Variants in SRFBP1 observed in about 807,000 individuals in gnomAD.
SRFBP1 encodes the protein serum response factor binding protein 1.
SRFBP1 carries 47 observed loss-of-function variants against 45.5 expected under a neutral mutation model. That is an observed-to-expected ratio of 1.03 (90% CI 0.82 to 1.32). The LOEUF is 1.32. Ranked by LOEUF, SRFBP1 falls within the 40% of genes most tolerant of loss-of-function variation. SRFBP1 has a pLI of 0.00. For synonymous variants in SRFBP1, 203 were observed against 166.3 expected, an observed-to-expected ratio of 1.22 and a Z score of -1.70; for missense variants, 621 against 484.6, an observed-to-expected ratio of 1.28 and a Z score of -2.64.
intron 3 of SRFBP1, among the ~76,000 whole-genome samples, chr5:121,981,173 T>A (rs1445360518): frequency 6.6e-6 from 1 of 152,034 alleles, no homozygotes; most frequent in Non-Finnish European, 1.5e-5. Flanking sequence ...ATTAATCATG[T>A]TATCTTATTC....
chr5:122,014,682 G>A (rs944058826), intron 4 of SRFBP1, among the ~76,000 whole-genome samples: 6 of 152,074 alleles, frequency 3.9e-5, no homozygotes, highest in African/African-American at 9.7e-5. Flanking sequence ...CTAAATCAGC[G>A]TTAGTCTGGG....
chr5:122,062,033 C>T (rs902932360), intron 2 of SRFBP1, among the ~76,000 whole-genome samples: 20 of 151,792 alleles, frequency 1.3e-4, no homozygotes, highest in African/African-American at 4.6e-4. Flanking sequence ...AAAAAAGACT[C>T]GTGACAAAAC....
chr5:121,981,383 A>T (rs1159020282), intron 3 of SRFBP1, among the ~76,000 whole-genome samples: 3 of 152,008 alleles, frequency 2.0e-5, no homozygotes, highest in Non-Finnish European at 4.4e-5. Flanking sequence ...AAATCATAAT[A>T]GACTTCCTGC....
chr5:122,049,305 CAA>C (rs1753924829), intron 2 of SRFBP1, among the ~76,000 whole-genome samples: 1 of 152,056 alleles, frequency 6.6e-6, no homozygotes, highest in African/African-American at 2.4e-5. Context: ...GTAAAGGGAT[CAA>C]TTCAACAAGA....
intron 3 of SRFBP1, among the ~76,000 whole-genome samples, chr5:121,987,487 G>A (rs983207328): frequency 1.1e-4 from 16 of 152,184 alleles, no homozygotes; most frequent in Non-Finnish European, 1.9e-4. Flanking sequence ...GTCACTGAAA[G>A]GTAATCATAA....
intron 3 of SRFBP1, among the ~76,000 whole-genome samples, chr5:121,981,274 A>G (rs1262760002): frequency 6.6e-6 from 1 of 152,076 alleles, no homozygotes; most frequent in African/African-American, 2.4e-5. Flanking sequence ...GTGAAGGAGA[A>G]AAAGAACCAA....
Position 121,974,255 on chromosome 5 carries a change from C to T in SRFBP1, c.96C>T (p.Val32=), listed in dbSNP as rs373080501. 52 of 1,611,230 alleles carry T rather than the reference C, an allele frequency of 3.2e-5. No homozygotes were observed. Among genetic ancestry groups the T allele is most frequent in the Non-Finnish European group, 3.8e-5 (45 of 1,178,118 alleles). The change falls in exon 2 of 8, where the codon GTC becomes GTT. Residue 32 remains valine (V), a synonymous_variant. Coordinates refer to ENST00000339397, the MANE Select transcript of SRFBP1 (RefSeq NM_152546.3). ...RIRVLVIRKL[V]RSVGRLKSKK... is the part of the protein sequence containing the mutation. ...GAGTTTTAGTTATCCGAAAACTTGT[C>T]AGGAGTGTTGGCCGACTGAAGTCAA...
intron 2 of SRFBP1, chr5:122,064,981 A>G (rs957198259): frequency 6.6e-6 from 1 of 152,112 alleles, no homozygotes; most frequent in Non-Finnish European, 1.5e-5. Context: ...GTATATTAAA[A>G]TATCTCTGTT....
intron 2 of SRFBP1, among the ~76,000 whole-genome samples, chr5:122,053,281 T>G (rs1422294395): frequency 6.6e-6 from 1 of 152,088 alleles, no homozygotes; most frequent in Admixed American, 6.6e-5. Context: ...GTTGCCTGCC[T>G]TGCCCTCTGG....
intron 2 of SRFBP1, among the ~76,000 whole-genome samples, chr5:122,043,101 A>T (rs552960511): frequency 5.3e-5 from 8 of 152,168 alleles, no homozygotes; most frequent in African/African-American, 1.9e-4. Context: ...TTAAGTACAT[A>T]TGTTTTCAGC....
At chr5:121,979,741 C>A (rs1187089961) in intron 3 of SRFBP1, among the ~76,000 whole-genome samples, 1 of 152,146 alleles carries the variant, frequency 6.6e-6, no homozygotes, top group Non-Finnish European at 1.5e-5. Context: ...TCCTTCCTTT[C>A]CACATCAGAC....
chr5:122,033,399 G>C (rs1753622110), downstream of SRFBP1, among the ~76,000 whole-genome samples: 1 of 151,672 alleles, frequency 6.6e-6, no homozygotes, highest in South Asian at 2.1e-4. Flanking sequence ...AATGTATTGA[G>C]AAAAATAGTT....
At chr5:122,036,213 C>A (rs1055243232) in intron 2 of SRFBP1, among the ~76,000 whole-genome samples, 1 of 152,058 alleles carries the variant, frequency 6.6e-6, no homozygotes, top group South Asian at 2.1e-4. Flanking sequence ...CCTTCTGATA[C>A]CACTTTGATC....
chr5:121,974,214 G>T lies in SRFBP1; in HGVS notation c.55G>T (p.Glu19Ter). Residue 19 changes from glutamate (E) to a stop codon, truncating the protein, a stop_gained, in exon 2 of 8, where the codon GAA becomes TAA. Transcript: ENST00000339397. LOFTEE classifies it high-confidence loss of function. ...TTCAAAGGTTGTGAAGATGAGAAAA[G>T]AAGTGAAGAGAATTCGAGTTTTAGT... is the stretch of plus-strand genomic sequence containing the variant. ...LNNEVVKMRK[E>*]VKRIRVLVIR... 6.2e-7 allele frequency: 1 copy of T among 1,611,064 alleles called. No homozygotes were observed. Among genetic ancestry groups the T allele is most frequent in the Non-Finnish European group, 8.5e-7 (1 of 1,177,898 alleles).
intron 3 of SRFBP1, 111 bp from the exon 4 acceptor site, chr5:121,994,488 C>T: frequency 1.4e-6 from 1 of 695,904 alleles, no homozygotes; most frequent in South Asian, 1.9e-5. Context: ...ATTCTTTTCT[C>T]AAAATTAAGA....
chr5:121,967,513 A>G (rs1435028306), intron 1 of SRFBP1, among the ~76,000 whole-genome samples: 1 of 152,180 alleles, frequency 6.6e-6, no homozygotes, highest in Non-Finnish European at 1.5e-5. Context: ...TATCATCCAT[A>G]TGATAAAATT....
Position 122,013,666 on chromosome 5 carries a change from CAT to C in SRFBP1, c.271-5592_271-5591del, listed in dbSNP as rs143178090. 5.2e-3 allele frequency among the ~76,000 whole-genome samples: 787 copies of C among 152,134 alleles called. 20 individuals are homozygous for C. In the East Asian group the frequency reaches 0.053, roughly 10 times the overall value. On this transcript the variant is annotated intron_variant, in intron 4 of 7. Transcript: ENST00000339397. Reference sequence around the variant, plus strand: ...AAGGGACGTACAAGTGGTTTAGTAACATAATGAATAAAAAATAACATTTTAAT... The same window carrying C: ...AAGGGACGTACAAGTGGTTTAGTAACAATGAATAAAAAATAACATTTTAAT...
chr5:121,968,759 T>C (rs1201227606), intron 1 of SRFBP1, among the ~76,000 whole-genome samples: 1 of 152,168 alleles, frequency 6.6e-6, no homozygotes, highest in Non-Finnish European at 1.5e-5. Context: ...ACCAGCAGTG[T>C]ATTTGTCTGT....
At chr5:122,026,730 T>A (rs1350724836) in intron 7 of SRFBP1, among the ~76,000 whole-genome samples, 2 of 152,172 alleles carry the variant, frequency 1.3e-5, no homozygotes, top group Non-Finnish European at 2.9e-5. Context: ...TACTTATAAG[T>A]GTTAGAAAGC....
Sources: allele counts gnomAD v4.1 joint callset (sites outside exome capture counted in the v4.1 genomes callset), GRCh38; gene constraint gnomAD v4.1.1; transcripts MANE v1.5; gene names NCBI Gene and HGNC (gene_info 2026-07-23, HGNC 2026-07-21).